The following KLHL22 variants were observed in gnomAD, a reference collection of about 807,000 sequenced individuals.
KLHL22 encodes the protein kelch like family member 22, also known as kelch-like protein 22.
In KLHL22, 18 loss-of-function variants were observed where a neutral mutation model predicts 60.7. That is an observed-to-expected ratio of 0.30 (90% CI 0.20 to 0.44). KLHL22 has a LOEUF of 0.44. KLHL22 is among the 20% of genes least tolerant of loss of function. The probability of loss-of-function intolerance (pLI) is 1.00; values close to 1 mark genes in which losing one functional copy is unlikely to be tolerated. For synonymous variants in KLHL22, 355 were observed against 354.5 expected (o/e 1.00, Z -0.01); for missense variants, 596 against 852.3 (o/e 0.70, Z 3.74).
chr22:20,485,424 C>T (rs967060997), intron 2 of KLHL22, among the ~76,000 whole-genome samples: 2 of 152,244 alleles, frequency 1.3e-5, no homozygotes, highest in East Asian at 3.8e-4. Context: ...GCACAGGAGG[C>T]TTCCTGCAGC....
chr22:20,467,033 G>C (rs2053246940), intron 3 of KLHL22, among the ~76,000 whole-genome samples: 1 of 152,250 alleles, frequency 6.6e-6, no homozygotes, highest in Non-Finnish European at 1.5e-5. Context: ...AAAACTGCCT[G>C]GGAGAACAAA....
In KLHL22 at chr22:20,464,802, C is replaced by T. The variant is rs202033961; in HGVS notation, c.1112+56G>A. On this transcript the variant is annotated intron_variant, in intron 4 of 6. Coordinates refer to ENST00000328879, the MANE Select transcript of KLHL22 (RefSeq NM_032775.4). ...CCTGACCAGCTCTCTCAGCCCATGACTTCCACACCCTCTCATCACCTGAAG... is the reference window on the plus strand; with the variant it reads ...CCTGACCAGCTCTCTCAGCCCATGATTTCCACACCCTCTCATCACCTGAAG... 5.0e-4 allele frequency: 567 copies of T among 1,132,442 alleles called. 1 individual carries two copies. Among genetic ancestry groups the T allele is most frequent in the Middle Eastern group, 1.7e-3 (8 of 4,838 alleles). 70.1% of individuals were successfully genotyped at this position (1,132,442 alleles called of 1,614,324 possible).
intron 2 of KLHL22, among the ~76,000 whole-genome samples, chr22:20,473,143 A>T (rs1467516543): frequency 1.3e-5 from 2 of 152,190 alleles, no homozygotes; most frequent in Non-Finnish European, 2.9e-5. Context: ...CAGGTGCTGG[A>T]GGAGGAGCCC....
chr22:20,478,167 ATTGT>A (rs1265284874), intron 2 of KLHL22, among the ~76,000 whole-genome samples: 1 of 150,942 alleles, frequency 6.6e-6, no homozygotes, highest in Non-Finnish European at 1.5e-5. Flanking sequence ...ACTCCTTTTT[ATTGT>A]TTTTCTTTTT....
chr22:20,471,620 G>T, intron 2 of KLHL22, 105 bp from the exon 3 acceptor site: 1 of 1,260,980 alleles, frequency 7.9e-7, no homozygotes, highest in Non-Finnish European at 1.1e-6. Context: ...TGGTGGCAGG[G>T]CCCTGGTAGT....
At chr22:20,449,650 C>T (rs1449869818) in intron 5 of KLHL22, among the ~76,000 whole-genome samples, 1 of 152,200 alleles carries the variant, frequency 6.6e-6, no homozygotes, top group Non-Finnish European at 1.5e-5. Context: ...TCGTGATCCG[C>T]TCACTTCAGC....
In KLHL22 at chr22:20,489,092, C is replaced by A. The variant is rs747452469; in HGVS notation, c.120G>T (p.Leu40=). ...AQHSQALLRG[L]LALRDSGILF... is the part of the protein sequence containing the mutation. ...GGATTCCGCTGTCCCGGAGAGCCAG[C>A]AGCCCTCGGAGCAGAGCCTGGGAGT... The change falls in exon 2 of 7, where the codon CTG becomes CTT. Residue 40 remains leucine, a synonymous_variant. Transcript: ENST00000328879. 11 of 1,613,980 alleles carry A rather than the reference C, an allele frequency of 6.8e-6. No homozygotes were observed. The highest frequency in any genetic ancestry group is 9.3e-6 in the Non-Finnish European group (11 of 1,180,056).
At chr22:20,478,201 T>C (rs901433684) in intron 2 of KLHL22, among the ~76,000 whole-genome samples, 3 of 149,808 alleles carry the variant, frequency 2.0e-5, no homozygotes, top group Non-Finnish European at 4.4e-5. Flanking sequence ...TTTTACCAAA[T>C]TTAATTTTTT....
rs187162457 is a variant in KLHL22, at chr22:20,447,829, C to T, written c.1306-1153G>A. 1.7e-4 allele frequency among the ~76,000 whole-genome samples: 26 copies of T among 152,332 alleles called. 1 individual carries two copies. On this transcript the variant is annotated intron_variant, in intron 5 of 6. Transcript: ENST00000328879. ...GTGCTAGGATTATAGGCATGAGCCACCACGCCCAGCCGAGGTTTTTCTTTT... is the reference window on the plus strand; with the variant it reads ...GTGCTAGGATTATAGGCATGAGCCATCACGCCCAGCCGAGGTTTTTCTTTT...
At chr22:20,479,264 T>G (rs191623301) in intron 2 of KLHL22, among the ~76,000 whole-genome samples, 1 of 151,464 alleles carries the variant, frequency 6.6e-6, no homozygotes. Flanking sequence ...AAAAAATATA[T>G]TAAAAAAAAA....
intron 2 of KLHL22, among the ~76,000 whole-genome samples, chr22:20,482,396 T>C (rs1315757074): frequency 6.6e-6 from 1 of 152,148 alleles, no homozygotes; most frequent in Non-Finnish European, 1.5e-5. Flanking sequence ...ACCAATTTTT[T>C]TTTTTTGAGA....
chr22:20,448,694 AG>A (rs1191773113), intron 5 of KLHL22, among the ~76,000 whole-genome samples: 1 of 152,128 alleles, frequency 6.6e-6, no homozygotes, highest in Non-Finnish European at 1.5e-5. Flanking sequence ...CCTCCGGAGT[AG>A]CTGGGATTAC....
At chr22:20,470,638 G>A (rs1459258068) in intron 3 of KLHL22, among the ~76,000 whole-genome samples, 1 of 152,220 alleles carries the variant, frequency 6.6e-6, no homozygotes, top group East Asian at 1.9e-4. Context: ...AAGAGAGAGA[G>A]AGCTTGTCTC....
chr22:20,468,601 C>T (rs1040151411), intron 3 of KLHL22, among the ~76,000 whole-genome samples: 1 of 152,128 alleles, frequency 6.6e-6, no homozygotes, highest in Non-Finnish European at 1.5e-5. Context: ...ATTCTACAGG[C>T]CTATGGACTT....
At chr22:20,451,113 C>T (rs921916972) in intron 5 of KLHL22, 21 of 1,490,344 alleles carry the variant, frequency 1.4e-5, no homozygotes, top group Middle Eastern at 1.7e-4. Context: ...ACCAGATCTA[C>T]GTCATTGGTG....
chr22:20,486,683 C>CT lies in KLHL22; in HGVS notation c.227+2301dup, dbSNP rs60166792. Among the ~76,000 whole-genome samples, 291 of 140,802 alleles carry CT rather than the reference C, an allele frequency of 2.1e-3. 1 individual carries two copies. Among genetic ancestry groups the CT allele is most frequent in the East Asian group, 3.9e-3 (19 of 4,870 alleles). 92.4% of individuals were successfully genotyped at this position (140,802 alleles called of 152,430 possible). The stretch of plus-strand genomic sequence containing the variant: ...CACTTGGGAATGGTCTATTTCTTTT[C>CT]TTTTTTTTTTTTTTTGAGACGGAGT... On this transcript the variant is annotated intron_variant, in intron 2 of 6. Transcript: ENST00000328879.
intron 6 of KLHL22, among the ~76,000 whole-genome samples, chr22:20,444,015 C>A (rs2146158653): frequency 6.7e-6 from 1 of 149,734 alleles, no homozygotes; most frequent in Middle Eastern, 3.4e-3. Context: ...TGCACCAGTG[C>A]CCCCCAGCCT....
At chr22:20,451,346 G>A in intron 5 of KLHL22, 1 of 1,611,710 alleles carries the variant, frequency 6.2e-7, no homozygotes. Context: ...AGCATGCTGG[G>A]AGATATGCAG....
intron 4 of KLHL22, among the ~76,000 whole-genome samples, 173 bp from the exon 5 acceptor site, chr22:20,458,173 C>T (rs1352092489): frequency 6.6e-6 from 1 of 152,046 alleles, no homozygotes; most frequent in Non-Finnish European, 1.5e-5. Flanking sequence ...CAGGCTGTTA[C>T]ACACCTGAGC....
Sources: gnomAD v4.1 joint callset for allele counts (sites outside exome capture counted in the v4.1 genomes callset) on GRCh38, gnomAD v4.1.1 for gene constraint, MANE v1.5 for transcripts, NCBI Gene and HGNC (gene_info 2026-07-23, HGNC 2026-07-21) for gene names.